Variants in ZNF678 observed in about 807,000 individuals in gnomAD.
ZNF678 encodes the protein zinc finger protein 678, also known as hypothetical protein MGC42493.
In ZNF678, 5 loss-of-function variants were observed where a neutral mutation model predicts 3.0. The ratio of observed to expected loss-of-function variants is 1.69; its 90% CI spans 0.88 to 3.56. The LOEUF (loss-of-function observed/expected upper bound fraction) is 3.56. Ranked by LOEUF, ZNF678 falls within the 30% of genes most tolerant of loss-of-function variation. ZNF678 has a pLI of 0.00. For missense variants in ZNF678, 593 were observed against 605.0 expected (o/e 0.98, Z 0.21); for synonymous variants, 218 against 199.6 (o/e 1.09, Z -0.78).
intron 1 of ZNF678, among the ~76,000 whole-genome samples, chr1:227,633,361 C>G (rs1658598501): frequency 6.6e-6 from 1 of 152,222 alleles, no homozygotes; most frequent in African/African-American, 2.4e-5. Context: ...CCTGTGCTCT[C>G]AGGCAACAGA....
At chr1:227,614,074 C>T (rs867447704) in intron 1 of ZNF678, among the ~76,000 whole-genome samples, 5 of 152,126 alleles carry the variant, frequency 3.3e-5, no homozygotes, top group African/African-American at 9.7e-5. Context: ...TGAATGGCAC[C>T]ATCATGTTCC....
intron 5 of ZNF678, among the ~76,000 whole-genome samples, chr1:227,671,185 T>C (rs1474155356): frequency 1.3e-5 from 2 of 151,040 alleles, no homozygotes; most frequent in Admixed American, 1.3e-4. Flanking sequence ...TAAGCAATCC[T>C]CTTGCCTTAG....
At chr1:227,643,229 T>C (rs1658866296) in intron 1 of ZNF678, among the ~76,000 whole-genome samples, 1 of 152,174 alleles carries the variant, frequency 6.6e-6, no homozygotes, top group Non-Finnish European at 1.5e-5. Flanking sequence ...GTGGTGGCAG[T>C]AAATGCTTTT....
chr1:227,646,200 A>C (rs1223915015), intron 1 of ZNF678, among the ~76,000 whole-genome samples: 2 of 152,212 alleles, frequency 1.3e-5, no homozygotes, highest in African/African-American at 4.8e-5. Flanking sequence ...TATGCGTTAA[A>C]ATCTGAGAGG....
intron 1 of ZNF678, 75 bp downstream of exon 1, chr1:227,563,799 A>C: frequency 1.6e-6 from 2 of 1,272,700 alleles, no homozygotes; most frequent in Admixed American, 2.3e-5. Flanking sequence ...CGCGGCCCGG[A>C]GTCCCGGCTG....
At chr1:227,587,986 C>G (rs908435244) in intron 1 of ZNF678, among the ~76,000 whole-genome samples, 2 of 152,082 alleles carry the variant, frequency 1.3e-5, no homozygotes, top group African/African-American at 4.8e-5. Flanking sequence ...TTTCCCTCCC[C>G]CCAGCCCCCC....
intron 2 of ZNF678, 28 bp downstream of exon 2, chr1:227,646,698 T>A (rs769440727): frequency 1.3e-5 from 18 of 1,365,636 alleles, no homozygotes; most frequent in Non-Finnish European, 1.8e-5. Flanking sequence ...ACACAATTTA[T>A]GTATTTCATA....
intron 1 of ZNF678, among the ~76,000 whole-genome samples, chr1:227,635,571 A>C (rs1414423784): frequency 8.6e-6 from 1 of 116,108 alleles, no homozygotes; most frequent in Non-Finnish European, 1.9e-5. Context: ...GTGTAGCAAC[A>C]TGCTGTTTTA....
At chr1:227,642,153 A>C (rs1411954519) in intron 1 of ZNF678, among the ~76,000 whole-genome samples, 1 of 152,186 alleles carries the variant, frequency 6.6e-6, no homozygotes, top group Non-Finnish European at 1.5e-5. Context: ...GCATTTGCCT[A>C]AGATTCAAAA....
At chr1:227,620,456 T>C (rs1658253517) in intron 1 of ZNF678, among the ~76,000 whole-genome samples, 1 of 152,230 alleles carries the variant, frequency 6.6e-6, no homozygotes, top group African/African-American at 2.4e-5. Context: ...TTTTCACTGC[T>C]TAAGGGACTT....
chr1:227,602,806 G>T (rs1252804963), intron 1 of ZNF678, among the ~76,000 whole-genome samples: 1 of 152,146 alleles, frequency 6.6e-6, no homozygotes, highest in African/African-American at 2.4e-5. Context: ...TTTGCATATG[G>T]CTGAATAGTA....
intron 1 of ZNF678, among the ~76,000 whole-genome samples, chr1:227,566,914 C>T (rs890474695): frequency 3.3e-5 from 5 of 152,030 alleles, no homozygotes; most frequent in East Asian, 1.9e-4. Context: ...GGAATTCTAT[C>T]GGGGAGAAAA....
At chr1:227,669,565 C>G (rs1230485222) in intron 5 of ZNF678, among the ~76,000 whole-genome samples, 1 of 151,072 alleles carries the variant, frequency 6.6e-6, no homozygotes, top group Non-Finnish European at 1.5e-5. Flanking sequence ...AGGAGAATGG[C>G]GGGAACCCGG....
At chr1:227,637,306 A>G (rs1658702746) in intron 1 of ZNF678, among the ~76,000 whole-genome samples, 1 of 152,220 alleles carries the variant, frequency 6.6e-6, no homozygotes, top group Admixed American at 6.5e-5. Flanking sequence ...TAGAGAATAC[A>G]GTTGGAGGAG....
chr1:227,673,808 G>GT lies in ZNF678; in HGVS notation c.227-3366dup, dbSNP rs143601198. 4.6e-3 allele frequency among the ~76,000 whole-genome samples: 702 copies of GT among 152,128 alleles called. 19 individuals are homozygous for GT. In the South Asian group the frequency reaches 0.057, roughly 12 times the overall value. On this transcript the variant is annotated intron_variant, in intron 5 of 5. Coordinates refer to the ZNF678 transcript ENST00000608949. ...AACTATGAGCTCCTCAAATATTCCA[G>GT]TTTTTCAAAAATTTGAAATGGAAAA... is the stretch of plus-strand genomic sequence containing the variant.
Position 227,655,036 on chromosome 1 carries a change from G to C in ZNF678, c.786G>C (p.Glu262Asp). 6.2e-7 allele frequency: 1 copy of C among 1,612,174 alleles called. No individual in the cohort carries two copies. Among genetic ancestry groups the C allele is most frequent in the Non-Finnish European group, 8.5e-7 (1 of 1,179,308 alleles). ...AACATAAGAGAATTCATACTGGAGA[G>C]AAACCTTACAAGTGTGAAGAATGTG... ...LTQHKRIHTG[E>D]KPYKCEECGN... Residue 262 changes from glutamate to aspartate, a missense_variant, in exon 4 of 4, where the codon GAG becomes GAC. Physicochemically the swap from Glu to Asp is conservative, Grantham distance 45. Coordinates refer to ENST00000343776, the MANE Select transcript of ZNF678 (RefSeq NM_001367909.1).
chr1:227,614,316 T>C (rs557675111), intron 1 of ZNF678, among the ~76,000 whole-genome samples: 1 of 152,226 alleles, frequency 6.6e-6, no homozygotes, highest in South Asian at 2.1e-4. Context: ...AATAGCAGGA[T>C]ACCTACTGCA....
Position 227,655,367 on chromosome 1 carries a change from G to T in ZNF678, c.1117G>T (p.Gly373Ter). ...NLTQHKRIHT[G>*]EKPYKCKECG... ...CACTCAGCATAAAAGAATTCATACTGGAGAGAAACCCTACAAATGCAAAGA... is the reference window on the plus strand; with the variant it reads ...CACTCAGCATAAAAGAATTCATACTTGAGAGAAACCCTACAAATGCAAAGA... Residue 373 changes from glycine to a stop codon, truncating the protein, a stop_gained, in exon 4 of 4, where the codon GGA becomes TGA. Coordinates refer to ENST00000343776, the MANE Select transcript of ZNF678 (RefSeq NM_001367909.1). LOFTEE classifies it low-confidence loss of function (END_TRUNC). The T allele has an allele frequency of 1.9e-6, 3 of 1,612,648 alleles. No homozygotes were observed. Among genetic ancestry groups the T allele is most frequent in the Non-Finnish European group, 2.5e-6 (3 of 1,179,352 alleles).
rs1443799684 is a variant in ZNF678 at position 227,658,325 on chromosome 1, G to A, written c.*2497G>A. 2.0e-5 allele frequency: 3 copies of A among 151,768 alleles called. No individual in the cohort carries two copies. Among genetic ancestry groups the A allele is most frequent in the Non-Finnish European group, 4.4e-5 (3 of 67,900 alleles). 9.4% of individuals were successfully genotyped at this position (151,768 alleles called of 1,614,324 possible). On this transcript the variant is annotated 3_prime_UTR_variant, in exon 4 of 4. Coordinates refer to ENST00000343776, the MANE Select transcript of ZNF678 (RefSeq NM_001367909.1). ...ACAGGAAAGTGCTAGGTTTCCTGGG[G>A]GTATAATAGATGCTCTATAATTAGC...
Sources: allele counts gnomAD v4.1 joint callset (sites outside exome capture counted in the v4.1 genomes callset), GRCh38; gene constraint gnomAD v4.1.1; transcripts MANE v1.5; gene names NCBI Gene and HGNC (gene_info 2026-07-23, HGNC 2026-07-21).